The following PPP2R5C variants were observed in gnomAD, a reference collection of about 807,000 sequenced individuals.
The protein encoded by PPP2R5C is serine/threonine-protein phosphatase 2A 56 kDa regulatory subunit gamma isoform.
In PPP2R5C, 7 loss-of-function variants were observed where a neutral mutation model predicts 68.9. The observed-to-expected ratio is 0.10, with a 90% confidence interval of 0.06 to 0.19. The LOEUF is 0.19. Among genes scored for constraint, PPP2R5C ranks in the 10% least tolerant of loss-of-function variants. The probability of loss-of-function intolerance (pLI) is 1.00; values close to 1 mark genes in which losing one functional copy is unlikely to be tolerated. For missense variants in PPP2R5C, 348 were observed against 641.3 expected (o/e 0.54, Z 4.94); for synonymous variants, 210 against 222.2 (o/e 0.95, Z 0.49).
chr14:101,896,297 G>A (rs2045321288), intron 8 of PPP2R5C, among the ~76,000 whole-genome samples: 2 of 151,890 alleles, frequency 1.3e-5, no homozygotes, highest in Admixed American at 6.6e-5. Context: ...TAGGATAACA[G>A]GCGTAAGCCA....
intron 1 of PPP2R5C, chr14:101,831,947 T>C (rs2040771175): frequency 1.8e-6 from 1 of 541,822 alleles, no homozygotes; most frequent in Non-Finnish European, 3.3e-6. Flanking sequence ...AAGGCAAAAC[T>C]TAAAAAAGAA....
exon 14 of PPP2R5C, chr14:101,925,315 C>A (rs1346799400): frequency 1.9e-6 from 3 of 1,605,572 alleles, no homozygotes; most frequent in African/African-American, 2.7e-5. Flanking sequence ...CAGTTCTTTT[C>A]CGGATTCTGT....
intron 2 of PPP2R5C, among the ~76,000 whole-genome samples, chr14:101,866,196 A>G (rs185875522): frequency 2.6e-5 from 4 of 152,318 alleles, no homozygotes; most frequent in Admixed American, 6.5e-5. Flanking sequence ...CCCAGCCTCT[A>G]TTTTCTTATT....
At chr14:101,922,358 A>G (rs1411703872) in intron 13 of PPP2R5C, among the ~76,000 whole-genome samples, 2 of 152,122 alleles carry the variant, frequency 1.3e-5, no homozygotes, top group African/African-American at 4.8e-5. Flanking sequence ...ACGTGGTGGC[A>G]GGCACCTGTA....
rs368348255 is a variant in PPP2R5C, at chr14:101,890,764, CTTTTTTTTTTTTTT to C, written c.689+479_689+492del. On this transcript the variant is annotated intron_variant, in intron 6 of 13. Transcript: ENST00000334743. ...TATCCAAGTAAAGTTTTTAGTTGCC[CTTTTTTTTTTTTTT>C]TTTTTTTTTTCTTTTTGAGACTCTT... 3.6e-4 allele frequency among the ~76,000 whole-genome samples: 41 copies of C among 115,378 alleles called. 1 individual carries two copies. The highest frequency in any genetic ancestry group is 1.4e-3 in the African/African-American group (39 of 28,534). The allele number at this position is 115,378 out of a possible 152,430, so 75.7% of individuals were successfully genotyped here. A position where few individuals can be genotyped will look rare whatever the true frequency, so the allele number is the denominator to read the frequency against.
At chr14:101,791,832 A>G (rs751282843) in intron 3 of PPP2R5C, among the ~76,000 whole-genome samples, 39 of 152,212 alleles carry the variant, frequency 2.6e-4, no homozygotes, top group Non-Finnish European at 3.7e-4. Context: ...GTCAGGTCAC[A>G]CTAGTATCTG....
chr14:101,881,737 C>G (rs1054501655), intron 2 of PPP2R5C, among the ~76,000 whole-genome samples: 2 of 152,234 alleles, frequency 1.3e-5, no homozygotes, highest in Non-Finnish European at 2.9e-5. Flanking sequence ...TGACGCAGCC[C>G]TTGCCATTTC....
intron 3 of PPP2R5C, among the ~76,000 whole-genome samples, chr14:101,796,205 G>T (rs1422769850): frequency 6.6e-6 from 1 of 152,230 alleles, no homozygotes; most frequent in Admixed American, 6.5e-5. Flanking sequence ...ATATTTACAG[G>T]AACTTTGGCT....
At chr14:101,810,544 C>T (rs975552145) in intron 1 of PPP2R5C, among the ~76,000 whole-genome samples, 1 of 152,190 alleles carries the variant, frequency 6.6e-6, no homozygotes, top group African/African-American at 2.4e-5. Flanking sequence ...GGATTGTTTT[C>T]ATTCTTGCCG....
chr14:101,763,387 ATT>A (rs113474231), intron 2 of PPP2R5C, among the ~76,000 whole-genome samples: 2 of 130,476 alleles, frequency 1.5e-5, no homozygotes. Flanking sequence ...CACCCAACAA[ATT>A]TTTTTTTTTT....
At chr14:101,798,728 G>T (rs1234541537) in intron 3 of PPP2R5C, among the ~76,000 whole-genome samples, 1 of 152,220 alleles carries the variant, frequency 6.6e-6, no homozygotes, top group Admixed American at 6.5e-5. Context: ...TGCTAGGTGG[G>T]CTGGGCCCAG....
chr14:101,779,768 C>T (rs1566829640), intron 2 of PPP2R5C, among the ~76,000 whole-genome samples: 2 of 152,088 alleles, frequency 1.3e-5, no homozygotes, highest in Non-Finnish European at 1.5e-5. Flanking sequence ...TTAGAAAGGT[C>T]AGTCCAATAA....
At chr14:101,919,320 C>T (rs1947720848) in intron 13 of PPP2R5C, among the ~76,000 whole-genome samples, 1 of 152,254 alleles carries the variant, frequency 6.6e-6, no homozygotes, top group African/African-American at 2.4e-5. Context: ...TCACTGAAGA[C>T]TTGGAATATC....
upstream of PPP2R5C, among the ~76,000 whole-genome samples, chr14:101,806,799 T>C (rs1033989227): frequency 6.6e-6 from 1 of 151,956 alleles, no homozygotes. Context: ...TCATCTCTAC[T>C]GAAAATGAAA....
rs961445400 is a variant in PPP2R5C, at chr14:101,917,381, G to A, written c.1327-450G>A. 6.6e-6 allele frequency among the ~76,000 whole-genome samples: 1 copy of A among 152,160 alleles called. No homozygotes were observed. The highest frequency in any genetic ancestry group is 2.4e-5 in the African/African-American group (1 of 41,434). ...GAGAGAGAACCGTGCCAGCTGTCTC[G>A]ATGAGAGGACATGATCGTGAGAGGA... On this transcript the variant is annotated intron_variant, in intron 12 of 13. Coordinates refer to ENST00000334743, the Ensembl canonical transcript of PPP2R5C. The surrounding 1 kb of genome is among the most constrained non-coding windows in gnomAD (Gnocchi z 4.4).
intron 1 of PPP2R5C, chr14:101,823,976 T>C: frequency 7.0e-6 from 9 of 1,289,024 alleles, no homozygotes; most frequent in Non-Finnish European, 9.1e-6. Context: ...TGGTTATGGA[T>C]GAAATTAACT....
chr14:101,814,814 T>G (rs2039563108), intron 1 of PPP2R5C, among the ~76,000 whole-genome samples: 1 of 152,230 alleles, frequency 6.6e-6, no homozygotes, highest in Non-Finnish European at 1.5e-5. Flanking sequence ...GAGGTGGTTC[T>G]TTTTGGATCC....
chr14:101,902,618 G>C (rs1010216174), intron 9 of PPP2R5C, among the ~76,000 whole-genome samples: 16 of 152,232 alleles, frequency 1.1e-4, no homozygotes, highest in Admixed American at 7.2e-4. Context: ...CAGTGGAAGA[G>C]AGTGACCATG....
chr14:101,818,917 T>C (rs1595253553), intron 1 of PPP2R5C: 2 of 1,165,166 alleles, frequency 1.7e-6, no homozygotes, highest in East Asian at 5.1e-5. Context: ...CTGCTGGTTG[T>C]GTTACTCATG....
Sources: gnomAD v4.1 joint callset for allele counts (sites outside exome capture counted in the v4.1 genomes callset) on GRCh38, gnomAD v4.1.1 for gene constraint, Gnocchi (gnomAD v3.1) non-coding constraint, MANE v1.5 for transcripts, NCBI Gene and HGNC (gene_info 2026-07-23, HGNC 2026-07-21) for gene names.